TOMM70: variants seen among roughly 807,000 people sequenced by gnomAD.
TOMM70 encodes the protein mitochondrial import receptor subunit TOM70.
A neutral mutation model predicts 73.6 loss-of-function variants in TOMM70; 13 were observed. The observed-to-expected ratio is 0.18, with a 90% confidence interval of 0.11 to 0.28. The LOEUF (loss-of-function observed/expected upper bound fraction) is 0.28. Ranked by LOEUF, TOMM70 falls within the 10% of genes least tolerant of loss-of-function variation. The pLI is 1.00. For missense variants in TOMM70, 609 were observed against 747.5 expected, an observed-to-expected ratio of 0.81 and a Z score of 2.16; for synonymous variants, 257 against 271.2, an observed-to-expected ratio of 0.95 and a Z score of 0.51.
chr3:100,395,151 T>G (rs1706808405), intron 1 of TOMM70, among the ~76,000 whole-genome samples: 1 of 151,974 alleles, frequency 6.6e-6, no homozygotes, highest in African/African-American at 2.4e-5. Flanking sequence ...AGGCAGAGCA[T>G]GAGGTCAGGA....
chr3:100,400,985 G>GC lies in TOMM70; in HGVS notation c.-37dup, dbSNP rs200473359. 5.3e-4 allele frequency: 813 copies of GC among 1,521,314 alleles called. 16 individuals carry two copies. In the East Asian group the frequency reaches 0.02, roughly 38 times the overall value. 94.2% of individuals were successfully genotyped at this position (1,521,314 alleles called of 1,614,324 possible). A position where few individuals can be genotyped will look rare whatever the true frequency, so the allele number is the denominator to read the frequency against. On this transcript the variant is annotated 5_prime_UTR_variant, in exon 1 of 12. Coordinates refer to ENST00000284320, the MANE Select transcript of TOMM70 (RefSeq NM_014820.5). ...CTCTGCCACCGCCTCCCTGTCTGTCGCGAGCGCCACAATCACCAAACAGCG... is the reference window on the plus strand; with the variant it reads ...CTCTGCCACCGCCTCCCTGTCTGTCGCCGAGCGCCACAATCACCAAACAGCG...
intron 5 of TOMM70, among the ~76,000 whole-genome samples, chr3:100,378,137 GGAGGCT>G (rs1474586209): frequency 2.6e-5 from 4 of 152,102 alleles, no homozygotes; most frequent in African/African-American, 7.2e-5. Flanking sequence ...CAGATACTTA[GGAGGCT>G]GAGGCAGGAG....
chr3:100,395,213 C>CA (rs560839687), intron 1 of TOMM70, among the ~76,000 whole-genome samples: 3 of 151,896 alleles, frequency 2.0e-5, no homozygotes, highest in Non-Finnish European at 4.4e-5. Context: ...ACTAAAAATA[C>CA]AAAAAATTAG....
intron 1 of TOMM70, among the ~76,000 whole-genome samples, chr3:100,388,599 C>T (rs907870971): frequency 6.6e-6 from 1 of 152,024 alleles, no homozygotes; most frequent in African/African-American, 2.4e-5. Flanking sequence ...CATACCTTGC[C>T]TCTGTTTTTT....
chr3:100,395,881 G>A (rs973637889), intron 1 of TOMM70, among the ~76,000 whole-genome samples: 4 of 152,146 alleles, frequency 2.6e-5, no homozygotes, highest in Non-Finnish European at 5.9e-5. Flanking sequence ...CGTGGTAAGT[G>A]CTATAAAATG....
At chr3:100,400,050 C>A (rs186215329) in intron 1 of TOMM70, among the ~76,000 whole-genome samples, 95 of 152,300 alleles carry the variant, frequency 6.2e-4, no homozygotes, top group Admixed American at 6.2e-3. Context: ...ACAAATGCCA[C>A]TGAACACCAT....
At chr3:100,369,955 T>C (rs1706490332) in intron 9 of TOMM70, among the ~76,000 whole-genome samples, 4 of 152,226 alleles carry the variant, frequency 2.6e-5, no homozygotes, top group Admixed American at 1.3e-4. Context: ...TCCCTAATAT[T>C]ATCTATAATA....
At position 100,365,341 on chromosome 3, in the gene TOMM70, TTCTAA is replaced by T. The variant is rs75267270; in HGVS notation, c.*218_*222del. On this transcript the variant is annotated 3_prime_UTR_variant, in exon 12 of 12. Transcript: ENST00000284320. ...TTTATTTAAAAATCCCTTTAACATGTTCTAATCTTTTGTTGCACAGGGAATAAAAG... is the reference window on the plus strand; with the variant it reads ...TTTATTTAAAAATCCCTTTAACATGTTCTTTTGTTGCACAGGGAATAAAAG... 799 of 521,110 alleles carry T rather than the reference TTCTAA, an allele frequency of 1.5e-3. 15 individuals are homozygous for T. In the East Asian group the frequency reaches 0.024, roughly 16 times the overall value. The allele number at this position is 521,110 out of a possible 1,614,324, so 32.3% of individuals were successfully genotyped here.
intron 1 of TOMM70, 60 bp from the exon 2 acceptor site, chr3:100,387,038 T>A (rs1706699825): frequency 2.0e-5 from 31 of 1,526,012 alleles, no homozygotes; most frequent in Non-Finnish European, 2.8e-5. Flanking sequence ...CAGACCACAG[T>A]AATTAAACAA....
intron 5 of TOMM70, among the ~76,000 whole-genome samples, chr3:100,380,391 T>G (rs917069759): frequency 5.3e-5 from 8 of 152,216 alleles, no homozygotes; most frequent in African/African-American, 1.9e-4. Flanking sequence ...TAAATCAGAT[T>G]AGAAGTAATC....
chr3:100,377,376 ACT>A (rs1399257951), intron 6 of TOMM70: 2 of 213,472 alleles, frequency 9.4e-6, no homozygotes, highest in Non-Finnish European at 1.9e-5. Flanking sequence ...ATTACACGTT[ACT>A]GACAGCATTA....
chr3:100,368,601 A>G (rs1706473710), intron 10 of TOMM70, among the ~76,000 whole-genome samples: 1 of 152,142 alleles, frequency 6.6e-6, no homozygotes, highest in African/African-American at 2.4e-5. Flanking sequence ...TTTGGGACAG[A>G]GCCTCACTCT....
intron 6 of TOMM70, 94 bp from the exon 7 acceptor site, chr3:100,375,246 TCA>T: frequency 7.1e-7 from 1 of 1,405,326 alleles, no homozygotes; most frequent in Non-Finnish European, 9.4e-7. Flanking sequence ...AATCCACATA[TCA>T]CAAAGGTCAC....
At chr3:100,375,675 G>T (rs1457050379) in intron 6 of TOMM70, among the ~76,000 whole-genome samples, 1 of 151,878 alleles carries the variant, frequency 6.6e-6, no homozygotes, top group African/African-American at 2.4e-5. Flanking sequence ...TCCACTTTTT[G>T]GCTACCATAA....
At chr3:100,368,247 T>C in intron 10 of TOMM70, 81 bp from the exon 11 acceptor site, 1 of 1,470,186 alleles carries the variant, frequency 6.8e-7, no homozygotes, top group Non-Finnish European at 9.1e-7. Flanking sequence ...ACTCAATTTC[T>C]GCCTTCAATG....
chr3:100,399,971 T>G lies in TOMM70; in HGVS notation c.324+655A>C, dbSNP rs370268679. ...GCTGAGTGCTTGCAGCCAAGGGGGC[T>G]TCGGGGTTGCTGAGAGAGGACGAGC... On this transcript the variant is annotated intron_variant, in intron 1 of 11. Transcript: ENST00000284320. Among the ~76,000 whole-genome samples the G allele has an allele frequency of 7.9e-5, 12 of 152,184 alleles. No homozygotes were observed. The East Asian group carries it at 2.1e-3, about 27-fold the overall frequency.
At chr3:100,371,827 T>TG (rs1706513779) in intron 9 of TOMM70, among the ~76,000 whole-genome samples, 1 of 152,134 alleles carries the variant, frequency 6.6e-6, no homozygotes, top group South Asian at 2.1e-4. Flanking sequence ...CTAATGCTGC[T>TG]GCAGATTTGA....
chr3:100,391,506 A>T (rs1044383787), intron 1 of TOMM70, among the ~76,000 whole-genome samples: 33 of 150,344 alleles, frequency 2.2e-4, no homozygotes, highest in African/African-American at 7.8e-4. Context: ...TTAAAAGTTT[A>T]AAAAAAAAAA....
intron 5 of TOMM70, among the ~76,000 whole-genome samples, chr3:100,378,884 A>G (rs574457465): frequency 3.3e-5 from 5 of 152,000 alleles, no homozygotes; most frequent in Admixed American, 1.3e-4. Flanking sequence ...GCGGGTGCCT[A>G]TAGTCCCAGC....
Sources: gnomAD v4.1 joint callset for allele counts (sites outside exome capture counted in the v4.1 genomes callset) on GRCh38, gnomAD v4.1.1 for gene constraint, MANE v1.5 for transcripts, NCBI Gene and HGNC (gene_info 2026-07-23, HGNC 2026-07-21) for gene names.